Variants in ATAD1 observed in about 807,000 individuals in gnomAD.
ATAD1 encodes the protein outer mitochondrial transmembrane helix translocase.
In ATAD1, 18 loss-of-function variants were observed where a neutral mutation model predicts 42.7. The observed-to-expected ratio is 0.42, with a 90% CI of 0.29 to 0.63. The LOEUF (loss-of-function observed/expected upper bound fraction) is 0.63, where lower values mean the gene tolerates loss of function less well. Ranked by LOEUF, ATAD1 falls within the 20% of genes least tolerant of loss-of-function variation. The pLI is 0.19. For missense variants in ATAD1, 294 were observed against 440.4 expected, an observed-to-expected ratio of 0.67 and a Z score of 2.98; for synonymous variants, 132 against 143.1, an observed-to-expected ratio of 0.92 and a Z score of 0.55.
At chr10:87,825,084 CA>C (rs2132100441) in intron 1 of ATAD1, among the ~76,000 whole-genome samples, 1 of 152,192 alleles carries the variant, frequency 6.6e-6, no homozygotes, top group East Asian at 1.9e-4. Flanking sequence ...AAGATTGAAA[CA>C]TCTTATAAAA....
chr10:87,817,736 C>T, intron 1 of ATAD1: 3 of 985,436 alleles, frequency 3.0e-6, no homozygotes, highest in Non-Finnish European at 3.6e-6. Context: ...GTGCCCGGCC[C>T]TGAAGAACCA....
At chr10:87,773,160 A>G (rs533353598) in intron 6 of ATAD1, among the ~76,000 whole-genome samples, 95 of 152,308 alleles carry the variant, frequency 6.2e-4, no homozygotes, top group Non-Finnish European at 1.1e-3. Flanking sequence ...ATTTAAAATA[A>G]AAGTTTAAAA....
chr10:87,825,267 C>T (rs978596134), intron 1 of ATAD1, among the ~76,000 whole-genome samples: 3 of 149,518 alleles, frequency 2.0e-5, no homozygotes, highest in African/African-American at 7.3e-5. Flanking sequence ...TTTGAGAAGT[C>T]AATACTTTGC....
chr10:87,775,710 G>A (rs1362437354), intron 6 of ATAD1, among the ~76,000 whole-genome samples: 1 of 151,978 alleles, frequency 6.6e-6, no homozygotes, highest in African/African-American at 2.4e-5. Flanking sequence ...GAAAAATAAA[G>A]CTCTCTTTCT....
chr10:87,792,509 A>G (rs1371094495), intron 3 of ATAD1, 148 bp downstream of exon 3: 4 of 610,676 alleles, frequency 6.6e-6, no homozygotes, highest in Non-Finnish European at 1.1e-5. Flanking sequence ...GTAATAAATC[A>G]TATACAGGAA....
In ATAD1 at chr10:87,784,570, T is replaced by C. The variant is rs548030669; in HGVS notation, c.483A>G (p.Thr161=). 54 of 1,613,704 alleles carry C rather than the reference T, an allele frequency of 3.3e-5. 2 individuals are homozygous for C. In the East Asian group the frequency reaches 1.0e-3, roughly 31 times the overall value. ...ATTCTCCATACCACTTATCGGTCAGTGTCGAAGGCTGAAGGTTAATAAATC... is the reference window on the plus strand; with the variant it reads ...ATTCTCCATACCACTTATCGGTCAGCGTCGAAGGCTGAAGGTTAATAAATC... The part of the protein sequence containing the change: ...GCRFINLQPS[T]LTDKWYGESQ... The change falls in exon 5 of 10, where the codon ACA becomes ACG. Residue 161 remains threonine (T), a synonymous_variant. Coordinates refer to ENST00000680024, the MANE Select transcript of ATAD1 (RefSeq NM_001321967.2).
intron 5 of ATAD1, among the ~76,000 whole-genome samples, chr10:87,779,391 A>G (rs774358837): frequency 2.6e-5 from 4 of 152,354 alleles, no homozygotes; most frequent in Middle Eastern, 3.4e-3. Context: ...GACAAGCCAC[A>G]GACTGGCAAA....
intron 5 of ATAD1, 101 bp downstream of exon 5, chr10:87,784,369 T>C: frequency 8.9e-7 from 1 of 1,118,620 alleles, no homozygotes; most frequent in Non-Finnish European, 1.3e-6. Context: ...ATGTTCTTTG[T>C]TTTATTAACA....
intron 6 of ATAD1, among the ~76,000 whole-genome samples, chr10:87,775,089 CT>C (rs1436529141): frequency 6.6e-6 from 1 of 151,940 alleles, no homozygotes; most frequent in Non-Finnish European, 1.5e-5. Flanking sequence ...AAATATAATA[CT>C]TTTTTTAAAA....
intron 1 of ATAD1, among the ~76,000 whole-genome samples, chr10:87,834,065 C>CT (rs1167279196): frequency 1.3e-5 from 2 of 152,162 alleles, no homozygotes; most frequent in African/African-American, 4.8e-5. Flanking sequence ...AGCTTTTCCT[C>CT]TTTACTGTAG....
intron 4 of ATAD1, among the ~76,000 whole-genome samples, chr10:87,785,120 A>C (rs1330499137): frequency 1.3e-5 from 2 of 152,222 alleles, no homozygotes; most frequent in African/African-American, 4.8e-5. Context: ...GCCAAAGGAC[A>C]TGTGCCTTTT....
upstream of ATAD1, among the ~76,000 whole-genome samples, chr10:87,819,940 T>G (rs142703354): frequency 5.7e-3 from 871 of 152,290 alleles, 23 homozygotes; most frequent in East Asian, 0.042. Context: ...CCGTGCCTGT[T>G]TAGTATTTAA....
chr10:87,804,891 C>A (rs1856853983), intron 2 of ATAD1, among the ~76,000 whole-genome samples: 1 of 152,168 alleles, frequency 6.6e-6, no homozygotes, highest in African/African-American at 2.4e-5. Flanking sequence ...CTGTACAACA[C>A]CATGTTGAAA....
chr10:87,769,274 A>T (rs1424385119), intron 7 of ATAD1, among the ~76,000 whole-genome samples: 1 of 152,164 alleles, frequency 6.6e-6, no homozygotes, highest in Non-Finnish European at 1.5e-5. Context: ...CTACCTTTTC[A>T]GCCTCCTCTC....
intron 1 of ATAD1, among the ~76,000 whole-genome samples, chr10:87,834,712 T>C (rs1857899753): frequency 6.6e-6 from 1 of 152,100 alleles, no homozygotes; most frequent in South Asian, 2.1e-4. Flanking sequence ...AAAGAACCAG[T>C]TTTTTGTTTC....
At chr10:87,791,416 A>G (rs1475219981) in intron 3 of ATAD1, among the ~76,000 whole-genome samples, 1 of 151,994 alleles carries the variant, frequency 6.6e-6, no homozygotes, top group East Asian at 1.9e-4. Flanking sequence ...TGTAAAAAAA[A>G]ATGATAAAAA....
intron 2 of ATAD1, among the ~76,000 whole-genome samples, chr10:87,810,958 A>C (rs1028691558): frequency 2.0e-5 from 3 of 152,220 alleles, no homozygotes; most frequent in Non-Finnish European, 4.4e-5. Flanking sequence ...GCTGGCAATC[A>C]AGCTCACCTT....
intron 8 of ATAD1, among the ~76,000 whole-genome samples, chr10:87,760,259 G>C (rs1854420542): frequency 6.6e-6 from 1 of 152,096 alleles, no homozygotes; most frequent in South Asian, 2.1e-4. Flanking sequence ...GAGGGACCTG[G>C]TGGGAAGTGA....
intron 2 of ATAD1, among the ~76,000 whole-genome samples, chr10:87,801,589 GAT>G (rs1467801242): frequency 2.0e-5 from 3 of 149,336 alleles, no homozygotes. Flanking sequence ...CTATAATTCT[GAT>G]ATGACTTAAT....
Sources: allele counts gnomAD v4.1 joint callset (sites outside exome capture counted in the v4.1 genomes callset), GRCh38; gene constraint gnomAD v4.1.1; transcripts MANE v1.5; gene names NCBI Gene and HGNC (gene_info 2026-07-23, HGNC 2026-07-21).